SYT1: variants seen among roughly 807,000 people sequenced by gnomAD.
SYT1 encodes synaptotagmin 1.
In SYT1, 8 loss-of-function variants were observed where a neutral mutation model predicts 44.8. That is an observed-to-expected ratio of 0.18 (90% CI 0.10 to 0.32). The LOEUF is 0.32. Ranked by LOEUF, SYT1 falls within the 10% of genes least tolerant of loss-of-function variation. The probability of loss-of-function intolerance (pLI) is 1.00; values close to 1 mark genes in which losing one functional copy is unlikely to be tolerated. For synonymous variants in SYT1, 154 were observed against 188.8 expected (o/e 0.82, Z 1.51); for missense variants, 286 against 509.3 (o/e 0.56, Z 4.22).
At chr12:79,090,134 G>A (rs1023647790) in intron 3 of SYT1, among the ~76,000 whole-genome samples, 1 of 152,004 alleles carries the variant, frequency 6.6e-6, no homozygotes, top group Non-Finnish European at 1.5e-5. Context: ...CTTTTAGTCA[G>A]TAATATGTTT....
chr12:78,905,211 A>G (rs1875899979), intron 1 of SYT1, among the ~76,000 whole-genome samples: 1 of 152,178 alleles, frequency 6.6e-6, no homozygotes, highest in Admixed American at 6.6e-5. Flanking sequence ...CCATGATTTT[A>G]AAGAGATTAA....
intron 4 of SYT1, among the ~76,000 whole-genome samples, chr12:79,224,751 TTTATTATTATTATTA>T (rs201728926): frequency 5.8e-4 from 14 of 24,030 alleles, no homozygotes; most frequent in African/African-American, 2.7e-3. Context: ...TTATTTATTT[TTTATTATTATTATTA>T]TTATTATTAT....
chr12:79,271,365 G>C (rs1432864009), intron 4 of SYT1, among the ~76,000 whole-genome samples: 1 of 152,060 alleles, frequency 6.6e-6, no homozygotes, highest in Non-Finnish European at 1.5e-5. Context: ...ATATTTGTTA[G>C]TTGGCTTCAC....
intron 3 of SYT1, among the ~76,000 whole-genome samples, chr12:79,135,588 C>T (rs1592780688): frequency 6.6e-6 from 1 of 152,120 alleles, no homozygotes; most frequent in East Asian, 1.9e-4. Context: ...GAAAAAATTA[C>T]AAGCTACTTG....
chr12:79,212,751 T>G (rs1874537078), intron 3 of SYT1, among the ~76,000 whole-genome samples: 1 of 152,234 alleles, frequency 6.6e-6, no homozygotes, highest in Non-Finnish European at 1.5e-5. Flanking sequence ...AAATCATAAA[T>G]ACTTCTTCAG....
chr12:78,989,400 A>G (rs1869867982), intron 2 of SYT1, among the ~76,000 whole-genome samples: 1 of 152,118 alleles, frequency 6.6e-6, no homozygotes, highest in African/African-American at 2.4e-5. Flanking sequence ...ATCCAACTCT[A>G]GAGAGTACCA....
chr12:79,354,579 T>C (rs1883038495), intron 9 of SYT1, among the ~76,000 whole-genome samples: 1 of 152,158 alleles, frequency 6.6e-6, no homozygotes, highest in Non-Finnish European at 1.5e-5. Context: ...TCGACCAAAT[T>C]CTCCTGGTAC....
At chr12:78,959,434 T>A (rs925281295) in intron 1 of SYT1, among the ~76,000 whole-genome samples, 1 of 152,206 alleles carries the variant, frequency 6.6e-6, no homozygotes, top group East Asian at 1.9e-4. Context: ...ATTTAAAAGC[T>A]ACCTTACATA....
chr12:78,961,399 G>T (rs1344464827), intron 1 of SYT1, among the ~76,000 whole-genome samples: 1 of 152,044 alleles, frequency 6.6e-6, no homozygotes, highest in Non-Finnish European at 1.5e-5. Context: ...ACCAGCCACT[G>T]CTCCCAGCAC....
At chr12:79,187,369 G>A (rs1526975) in intron 3 of SYT1, among the ~76,000 whole-genome samples, 7,173 of 152,060 alleles carry the variant, frequency 0.047, 331 homozygotes, top group East Asian at 0.12. Flanking sequence ...CACAGGTATC[G>A]TCCAGAAAGC....
At chr12:79,290,323 T>C (rs1263776718) in intron 5 of SYT1, among the ~76,000 whole-genome samples, 1 of 152,176 alleles carries the variant, frequency 6.6e-6, no homozygotes, top group Non-Finnish European at 1.5e-5. Flanking sequence ...GAAGCCAAAT[T>C]AGAAAATCTT....
chr12:78,885,969 T>A (rs913857704), intron 1 of SYT1, among the ~76,000 whole-genome samples: 2 of 151,992 alleles, frequency 1.3e-5, no homozygotes, highest in African/African-American at 4.8e-5. Context: ...CTAAGTACAT[T>A]AAGATAGCAG....
chr12:79,005,179 A>G (rs1290292989), intron 2 of SYT1, among the ~76,000 whole-genome samples: 2 of 152,136 alleles, frequency 1.3e-5, no homozygotes, highest in East Asian at 3.9e-4. Flanking sequence ...GGTGCATCCA[A>G]CATGTGTTAT....
At chr12:78,867,923 T>C (rs931174885) in intron 1 of SYT1, among the ~76,000 whole-genome samples, 2 of 151,978 alleles carry the variant, frequency 1.3e-5, no homozygotes, top group Admixed American at 1.3e-4. Flanking sequence ...AAATAAAATG[T>C]AGAATATGTT....
chr12:79,182,514 A>G (rs1449291762), intron 3 of SYT1, among the ~76,000 whole-genome samples: 1 of 152,086 alleles, frequency 6.6e-6, no homozygotes, highest in East Asian at 1.9e-4. Flanking sequence ...AGCATAATGC[A>G]TCCTGGGGAC....
chr12:79,316,802 T>C (rs984585562), intron 8 of SYT1, among the ~76,000 whole-genome samples: 2 of 152,210 alleles, frequency 1.3e-5, no homozygotes, highest in Non-Finnish European at 2.9e-5. Flanking sequence ...GTTGTCTCGA[T>C]AGGTAGAACA....
At chr12:78,865,241 TG>T (rs1873473962) in intron 1 of SYT1, 132 bp downstream of exon 1, 1 of 152,256 alleles carries the variant, frequency 6.6e-6, no homozygotes, top group African/African-American at 2.4e-5. Context: ...GATCCCCGGG[TG>T]GCCTATTGTG....
chr12:79,226,448 C>T (rs1029726937), intron 4 of SYT1, among the ~76,000 whole-genome samples: 5 of 152,110 alleles, frequency 3.3e-5, no homozygotes, highest in African/African-American at 1.2e-4. Context: ...CTGTGTCCCT[C>T]TATTGGGCAC....
intron 3 of SYT1, among the ~76,000 whole-genome samples, chr12:79,071,071 A>C (rs1308443679): frequency 6.6e-6 from 1 of 152,112 alleles, no homozygotes; most frequent in African/African-American, 2.4e-5. Context: ...AAAAGTGAAG[A>C]TATATAGACA....
Sources: gnomAD v4.1 joint callset for allele counts (sites outside exome capture counted in the v4.1 genomes callset) on GRCh38, gnomAD v4.1.1 for gene constraint, MANE v1.5 for transcripts, NCBI Gene and HGNC (gene_info 2026-07-23, HGNC 2026-07-21) for gene names.